Variants in SALL3 observed in about 807,000 individuals in gnomAD.
SALL3 encodes the protein sal-like protein 3.
A neutral mutation model predicts 66.2 loss-of-function variants in SALL3; 25 were observed. The observed-to-expected ratio is 0.38, with a 90% CI of 0.28 to 0.53. The LOEUF is 0.53. SALL3 is among the 20% of genes least tolerant of loss of function. The probability of loss-of-function intolerance (pLI) is 0.85; values close to 1 mark genes in which losing one functional copy is unlikely to be tolerated. For synonymous variants in SALL3, 1,152 were observed against 899.1 expected, an observed-to-expected ratio of 1.28 and a Z score of -5.03; for missense variants, 2,194 against 1,916.5, an observed-to-expected ratio of 1.14 and a Z score of -2.70.
In SALL3 at chr18:78,993,945, C is replaced by G; in HGVS notation, c.1954C>G (p.Leu652Val). 6.2e-7 allele frequency: 1 copy of G among 1,610,154 alleles called. No homozygotes were observed. The highest frequency in any genetic ancestry group is 8.5e-7 in the Non-Finnish European group (1 of 1,178,726). The part of the protein sequence containing the change: ...QFKAQFPFGG[L>V]LDSMQTSETS... Reference sequence around the variant, plus strand: ...CAAGGCCCAGTTTCCGTTCGGGGGGCTGCTAGACTCGATGCAAACGTCGGA... The same window carrying G: ...CAAGGCCCAGTTTCCGTTCGGGGGGGTGCTAGACTCGATGCAAACGTCGGA... Residue 652 changes from leucine (L) to valine (V), a missense_variant, in exon 2 of 3, where the codon CTG becomes GTG. Leu to Val is a conservative substitution (Grantham distance 32). Coordinates refer to ENST00000537592, the MANE Select transcript of SALL3 (RefSeq NM_171999.4).
At position 78,993,877 on chromosome 18, in the gene SALL3, C is replaced by G; in HGVS notation, c.1886C>G (p.Thr629Arg). 1.3e-6 allele frequency: 2 copies of G among 1,569,682 alleles called. No homozygotes were observed. Among genetic ancestry groups the G allele is most frequent in the South Asian group, 1.2e-5 (1 of 85,942 alleles). Residue 629 changes from threonine to arginine, a missense_variant, in exon 2 of 3, where the codon ACG becomes AGG. Transcript: ENST00000537592. ...CCCACATCGGTGGACGGCGCACCCA[C>G]GAGCCTCGGCAGCCCCGGGCTGCCC... Reference protein sequence around the residue: ...AAPTSVDGAPTSLGSPGLPAV... With the variant: ...AAPTSVDGAPRSLGSPGLPAV...
Position 78,997,746 on chromosome 18 carries a change from GT to G in SALL3, c.*427del, listed in dbSNP as rs1914749149. On this transcript the variant is annotated 3_prime_UTR_variant, in exon 3 of 3. Transcript: ENST00000537592. ...TAGAACTCTTCATGTTAAAGACGTG[GT>G]TTAGTACTCCCAATGCTGTGTATCA... is the stretch of plus-strand genomic sequence containing the variant. The G allele has an allele frequency of 5.3e-6, 1 of 187,504 alleles. No homozygotes were observed. The highest frequency in any genetic ancestry group is 1.1e-5 in the Non-Finnish European group (1 of 89,874). 11.6% of individuals were successfully genotyped at this position (187,504 alleles called of 1,614,324 possible). A position where few individuals can be genotyped will look rare whatever the true frequency, so the allele number is the denominator to read the frequency against.
In SALL3 at chr18:78,994,624, A is replaced by G. The variant is rs1568296402; in HGVS notation, c.2633A>G (p.Asp878Gly). ...GSGESDRLSNDSSSAVGDLES... is the reference protein window; with the variant it reads ...GSGESDRLSNGSSSAVGDLES... ...GGGGAGAGTGACCGCCTGAGCAACG[A>G]CTCCTCGTCGGCCGTGGGCGACCTG... The change falls in exon 2 of 3, where the codon GAC becomes GGC. Residue 878 changes from aspartate to glycine, a missense_variant. Asp to Gly is a moderately conservative substitution (Grantham distance 94). Coordinates refer to ENST00000537592, the MANE Select transcript of SALL3 (RefSeq NM_171999.4). 1.9e-6 allele frequency: 3 copies of G among 1,607,074 alleles called. No homozygotes were observed. The highest frequency in any genetic ancestry group is 2.2e-5 in the East Asian group (1 of 44,638).
Position 78,993,438 on chromosome 18 carries a change from C to T in SALL3, c.1447C>T (p.Pro483Ser). The T allele has an allele frequency of 6.2e-7, 1 of 1,613,074 alleles. No individual in the cohort carries two copies. Among genetic ancestry groups the T allele is most frequent in the Non-Finnish European group, 8.5e-7 (1 of 1,179,982 alleles). Residue 483 changes from proline (P) to serine (S), a missense_variant, in exon 2 of 3, where the codon CCG (proline) becomes TCG (serine). Coordinates refer to ENST00000537592, the MANE Select transcript of SALL3 (RefSeq NM_171999.4). ...CCCCCACATCCAGATGAACCCTTAC[C>T]CGGTCCCCGAGTACCTGGACAACGT... is the stretch of plus-strand genomic sequence containing the variant. Reference protein sequence around the residue: ...KYPHIQMNPYPVPEYLDNVPT... With the variant: ...KYPHIQMNPYSVPEYLDNVPT...
In SALL3 at chr18:78,992,434, C is replaced by T. The variant is rs1205346680; in HGVS notation, c.443C>T (p.Pro148Leu). 5 of 1,359,392 alleles carry T rather than the reference C, an allele frequency of 3.7e-6. No homozygotes were observed. The highest frequency in any genetic ancestry group is 1.6e-5 in the South Asian group (1 of 63,272). The allele number at this position is 1,359,392 out of a possible 1,614,324, so 84.2% of individuals were successfully genotyped here. A position where few individuals can be genotyped will look rare whatever the true frequency, so the allele number is the denominator to read the frequency against. ...PAGDTRAPRPPPAAPAPPTPA... is the reference protein window; with the variant it reads ...PAGDTRAPRPLPAAPAPPTPA... ...GGGGACACGCGCGCGCCCCGGCCCC[C>T]GCCTGCGGCCCCTGCACCCCCAACG... The change falls in exon 2 of 3, where the codon CCG (proline) becomes CTG (leucine). Residue 148 changes from proline to leucine, a missense_variant. Physicochemically the swap from Pro to Leu is moderately conservative, Grantham distance 98. Transcript: ENST00000537592.
chr18:78,986,995 T>A (rs898611705), intron 1 of SALL3, among the ~76,000 whole-genome samples: 1 of 152,186 alleles, frequency 6.6e-6, no homozygotes, highest in Admixed American at 6.5e-5. Flanking sequence ...ATATATTTCA[T>A]ACACAAAATT....
chr18:78,990,242 T>C lies in SALL3; in HGVS notation c.83-1832T>C, dbSNP rs184778399. ...AACCTCATTACAGATACCTATTACA[T>C]TCCTTCCTCCATACAGTAATGAGAC... On this transcript the variant is annotated intron_variant, in intron 1 of 2. Coordinates refer to ENST00000537592, the MANE Select transcript of SALL3 (RefSeq NM_171999.4). Among the ~76,000 whole-genome samples the C allele has an allele frequency of 1.9e-3, 285 of 152,346 alleles. 2 individuals carry two copies. The highest frequency in any genetic ancestry group is 6.5e-3 in the African/African-American group (271 of 41,582).
In SALL3 at chr18:78,997,326, G is replaced by A. The variant is rs1568298535; in HGVS notation, c.*4G>A. 9 of 1,610,452 alleles carry A rather than the reference G, an allele frequency of 5.6e-6. No individual in the cohort carries two copies. Among genetic ancestry groups the A allele is most frequent in the Non-Finnish European group, 7.6e-6 (9 of 1,177,614 alleles). On this transcript the variant is annotated 3_prime_UTR_variant, in exon 3 of 3. Coordinates refer to ENST00000537592, the MANE Select transcript of SALL3 (RefSeq NM_171999.4). The stretch of plus-strand genomic sequence containing the variant: ...CAAGGAGATTGGTATCAACTAGCCA[G>A]TGACTCGCTCATCTGCCCTGCCCAG...
rs35578880 is a variant in SALL3, at chr18:78,994,549, T to C, written c.2558T>C (p.Val853Ala). ...AACCAGATGAAGATGATCGACTCGG[T>C]CATGAGCTGCCAGCAGCTGACCGGC... The part of the protein sequence containing the change: ...LENQMKMIDS[V>A]MSCQQLTGLK... Residue 853 changes from valine (V) to alanine (A), a missense_variant, in exon 2 of 3, where the codon GTC becomes GCC. Val to Ala is a moderately conservative substitution (Grantham distance 64). Transcript: ENST00000537592. The C allele has an allele frequency of 0.051, 72,759 of 1,431,072 alleles. 1,901 individuals carry two copies. The highest frequency in any genetic ancestry group is 0.055 in the Non-Finnish European group (59,123 of 1,070,338). The allele number at this position is 1,431,072 out of a possible 1,614,324, so 88.6% of individuals were successfully genotyped here. A position where few individuals can be genotyped will look rare whatever the true frequency, so the allele number is the denominator to read the frequency against.
intron 1 of SALL3, among the ~76,000 whole-genome samples, chr18:78,980,724 G>GTCGGCCTCGGCGACC: frequency 6.6e-6 from 1 of 151,404 alleles, no homozygotes; most frequent in Non-Finnish European, 1.5e-5. Context: ...GGACGCTGAG[G>GTCGGCCTCGGCGACC]CCGGCGGCGG....
Position 78,994,445 on chromosome 18 carries a change from G to T in SALL3, c.2454G>T (p.Pro818=). The T allele has an allele frequency of 6.2e-7, 1 of 1,612,310 alleles. No homozygotes were observed. Among genetic ancestry groups the T allele is most frequent in the Non-Finnish European group, 8.5e-7 (1 of 1,179,888 alleles). Reference sequence around the variant, plus strand: ...AGCTGAAGGACGCGGCCACCGACCCGGCCAAGCCACTCCTGTCCTACGCGG... The same window carrying T: ...AGCTGAAGGACGCGGCCACCGACCCTGCCAAGCCACTCCTGTCCTACGCGG... ...DAELKDAATD[P]AKPLLSYAGS... is the part of the protein sequence containing the mutation. Residue 818 remains proline, a synonymous_variant, in exon 2 of 3, where the codon CCG becomes CCT. Transcript: ENST00000537592.
chr18:78,982,363 G>A (rs1914100580), intron 1 of SALL3, among the ~76,000 whole-genome samples: 3 of 152,224 alleles, frequency 2.0e-5, no homozygotes, highest in Admixed American at 2.0e-4. Context: ...ATCCAGAATT[G>A]TAATCCAGAC....
intron 1 of SALL3, among the ~76,000 whole-genome samples, chr18:78,987,349 GTTAAACATTCTGTGTA>G (rs917888294): frequency 6.6e-6 from 1 of 152,174 alleles, no homozygotes; most frequent in Non-Finnish European, 1.5e-5. Flanking sequence ...GAACATTTTT[GTTAAACATTCTGTGTA>G]TATTTTATTA....
rs917787233 is a variant in SALL3, at chr18:78,992,940, G to A, written c.949G>A (p.Ala317Thr). The part of the protein sequence containing the change: ...EPSAPAAPSA[A>T]PAPAAPAPAP... ...CAGCGCGCCCGCCGCCCCCAGCGCC[G>A]CCCCTGCCCCCGCTGCCCCCGCCCC... Residue 317 changes from alanine to threonine, a missense_variant, in exon 2 of 3, where the codon GCC becomes ACC. By Grantham distance (58) the Ala-to-Thr change is moderately conservative. Coordinates refer to ENST00000537592, the MANE Select transcript of SALL3 (RefSeq NM_171999.4). 4.7e-6 allele frequency: 5 copies of A among 1,064,248 alleles called. No individual in the cohort carries two copies. The highest frequency in any genetic ancestry group is 6.3e-5 in the East Asian group (1 of 15,772). 65.9% of individuals were successfully genotyped at this position (1,064,248 alleles called of 1,614,324 possible). A position where few individuals can be genotyped will look rare whatever the true frequency, so the allele number is the denominator to read the frequency against.
At chr18:78,996,686 AT>A (rs1914704384) in intron 2 of SALL3, among the ~76,000 whole-genome samples, 1 of 152,216 alleles carries the variant, frequency 6.6e-6, no homozygotes, top group Admixed American at 6.5e-5. Flanking sequence ...ATTAATTTAT[AT>A]TTGTTGGTTT....
At position 78,993,986 on chromosome 18, in the gene SALL3, G is replaced by A. The variant is rs781017802; in HGVS notation, c.1995G>A (p.Gln665=). 1 of 1,612,236 alleles carries A rather than the reference G, an allele frequency of 6.2e-7. No homozygotes were observed. The highest frequency in any genetic ancestry group is 1.1e-5 in the South Asian group (1 of 90,948). ...AAACGTCGGAAACCTCGAAGCTGCA[G>A]CAGCTGGTGGAGAACATCGACAAGA... The part of the protein sequence containing the change: ...SMQTSETSKL[Q]QLVENIDKKM... Residue 665 remains glutamine (Q), a synonymous_variant, in exon 2 of 3, where the codon CAG becomes CAA. Coordinates refer to ENST00000537592, the MANE Select transcript of SALL3 (RefSeq NM_171999.4).
intron 1 of SALL3, among the ~76,000 whole-genome samples, chr18:78,980,972 G>A (rs923496273): frequency 2.6e-5 from 4 of 152,236 alleles, no homozygotes; most frequent in African/African-American, 9.6e-5. Flanking sequence ...CGCAGCGGCG[G>A]CGGCCTGGGC....
chr18:78,990,195 GTC>G (rs1232401839), intron 1 of SALL3, among the ~76,000 whole-genome samples: 1 of 152,196 alleles, frequency 6.6e-6, no homozygotes, highest in African/African-American at 2.4e-5. Context: ...AATCAGCTGT[GTC>G]TTTGCTTCCA....
At position 78,994,765 on chromosome 18, in the gene SALL3, C is replaced by T. The variant is rs761618221; in HGVS notation, c.2774C>T (p.Pro925Leu). 1.4e-5 allele frequency: 22 copies of T among 1,599,378 alleles called. No homozygotes were observed. In the South Asian group the frequency reaches 1.7e-4, roughly 12 times the overall value. Residue 925 changes from proline to leucine, a missense_variant, in exon 2 of 3, where the codon CCG becomes CTG. Coordinates refer to ENST00000537592, the MANE Select transcript of SALL3 (RefSeq NM_171999.4). ...FRSKSPGLGA[P>L]EEPQEIPLKT... ...TCCAAGTCCCCGGGCCTGGGCGCCC[C>T]GGAGGAGCCCCAGGAAATCCCGCTC...
Sources: allele counts gnomAD v4.1 joint callset (sites outside exome capture counted in the v4.1 genomes callset), GRCh38; gene constraint gnomAD v4.1.1; transcripts MANE v1.5; gene names NCBI Gene and HGNC (gene_info 2026-07-23, HGNC 2026-07-21).